FRMD6: variants seen among roughly 807,000 people sequenced by gnomAD.
FRMD6 encodes the protein FERM domain-containing protein 6.
FRMD6 carries 37 observed loss-of-function variants against 73.2 expected under a neutral mutation model. The observed-to-expected ratio is 0.51, with a 90% CI of 0.39 to 0.66. The LOEUF (loss-of-function observed/expected upper bound fraction) is 0.66. Ranked by LOEUF, FRMD6 falls within the 30% of genes least tolerant of loss-of-function variation. The pLI is 0.00. For missense variants in FRMD6, 714 were observed against 780.5 expected (o/e 0.91, Z 1.02); for synonymous variants, 273 against 282.2 (o/e 0.97, Z 0.33).
chr14:51,586,734 C>CTTATTG (rs1555324440), intron 2 of FRMD6, among the ~76,000 whole-genome samples: 4 of 150,590 alleles, frequency 2.7e-5, no homozygotes, highest in East Asian at 2.0e-4. Flanking sequence ...TTTACTTTAT[C>CTTATTG]TTATTATTAT....
intron 1 of FRMD6, among the ~76,000 whole-genome samples, chr14:51,533,222 C>T (rs868526399): frequency 2.6e-5 from 4 of 152,198 alleles, no homozygotes; most frequent in Middle Eastern, 3.4e-3. Context: ...TGCTGGGCTT[C>T]GAGGAGTCTG....
chr14:51,724,408 A>G (rs1375328057), intron 12 of FRMD6, among the ~76,000 whole-genome samples: 1 of 152,198 alleles, frequency 6.6e-6, no homozygotes, highest in Admixed American at 6.5e-5. Flanking sequence ...AGGAAATCGA[A>G]AAGGAACCAT....
chr14:51,462,356 T>TGTAC, the FRMD6 span, among the ~76,000 whole-genome samples: 1 of 152,212 alleles, frequency 6.6e-6, no homozygotes, highest in Admixed American at 6.5e-5. Flanking sequence ...GGAGATGCTG[T>TGTAC]GTACGTGGTA....
chr14:51,401,811 T>C, the FRMD6 span, among the ~76,000 whole-genome samples: 1 of 152,112 alleles, frequency 6.6e-6, no homozygotes, highest in Non-Finnish European at 1.5e-5. Context: ...GAACAGGGGG[T>C]GCCCAAGACA....
chr14:51,499,904 A>G (rs1883506583), intron 1 of FRMD6, among the ~76,000 whole-genome samples: 1 of 152,086 alleles, frequency 6.6e-6, no homozygotes, highest in Non-Finnish European at 1.5e-5. Context: ...AATTGAAAAT[A>G]TTCTCATGAG....
chr14:51,440,777 A>G, the FRMD6 span, among the ~76,000 whole-genome samples: 8 of 152,244 alleles, frequency 5.3e-5, 1 homozygote, highest in South Asian at 2.1e-4. Context: ...ACTGTGCAAA[A>G]TATTGCTTCA....
intron 2 of FRMD6, among the ~76,000 whole-genome samples, chr14:51,600,268 G>T (rs1162413878): frequency 2.0e-5 from 3 of 152,120 alleles, no homozygotes; most frequent in African/African-American, 7.2e-5. Flanking sequence ...GAGCTCAGGA[G>T]CTTAATTTTT....
intron 4 of FRMD6, among the ~76,000 whole-genome samples, chr14:51,701,630 A>C (rs1228349838): frequency 6.7e-6 from 1 of 148,786 alleles, no homozygotes; most frequent in Non-Finnish European, 1.5e-5. Context: ...TGGGAAAAGA[A>C]ACTTATAAGT....
At position 51,633,427 on chromosome 14, in the gene FRMD6, C is replaced by A. The variant is rs186971320; in HGVS notation, c.-146-56264C>A. Among the ~76,000 whole-genome samples the A allele has an allele frequency of 1.6e-3, 242 of 151,066 alleles. 1 individual carries two copies. The highest frequency in any genetic ancestry group is 5.6e-3 in the African/African-American group (232 of 41,226). On this transcript the variant is annotated intron_variant, in intron 2 of 14. Coordinates refer to the FRMD6 transcript ENST00000356218. ...GACCAGCCTGGGCAGCATGGTGAAACCCTGTCTCTACAAAAAATGCAAAAA... is the reference window on the plus strand; with the variant it reads ...GACCAGCCTGGGCAGCATGGTGAAAACCTGTCTCTACAAAAAATGCAAAAA...
At chr14:51,644,298 G>A (rs1011917167) in intron 2 of FRMD6, among the ~76,000 whole-genome samples, 2 of 151,170 alleles carry the variant, frequency 1.3e-5, no homozygotes, top group Non-Finnish European at 2.9e-5. Context: ...CTCAAAAAAT[G>A]TTAATCCTTT....
At chr14:51,656,719 C>T (rs1262418226) in intron 1 of FRMD6, among the ~76,000 whole-genome samples, 1 of 152,150 alleles carries the variant, frequency 6.6e-6, no homozygotes, top group Non-Finnish European at 1.5e-5. Flanking sequence ...GCTAGCATGG[C>T]ATTTTCTTGA....
intron 2 of FRMD6, among the ~76,000 whole-genome samples, chr14:51,585,531 A>C (rs1251291124): frequency 6.6e-6 from 1 of 152,224 alleles, no homozygotes; most frequent in Admixed American, 6.5e-5. Context: ...CCTGAGAGGC[A>C]GCTGAACCTA....
At position 51,664,377 on chromosome 14, in the gene FRMD6, T is replaced by C. The variant is rs554936169; in HGVS notation, c.-147+12381T>C. Among the ~76,000 whole-genome samples the C allele has an allele frequency of 1.3e-3, 196 of 152,376 alleles. 1 individual carries two copies. The highest frequency in any genetic ancestry group is 5.4e-3 in the Admixed American group (82 of 15,306). On this transcript the variant is annotated intron_variant, in intron 1 of 13. Coordinates refer to ENST00000344768, the MANE Select transcript of FRMD6 (RefSeq NM_001267046.2). ...ACCAAGAATTTTCTCTTCTGGGAAC[T>C]ACCTTTGAATTTTGCTAACTGTCTG...
intron 1 of FRMD6, among the ~76,000 whole-genome samples, chr14:51,655,046 T>TAAAAAA (rs111661238): frequency 1.5e-5 from 2 of 131,802 alleles, no homozygotes; most frequent in African/African-American, 2.8e-5. Context: ...TCTTTTAAAG[T>TAAAAAA]AAAAAAAAAA....
chr14:51,543,980 T>G (rs1050451031), intron 1 of FRMD6, among the ~76,000 whole-genome samples: 14 of 152,052 alleles, frequency 9.2e-5, no homozygotes, highest in African/African-American at 3.4e-4. Context: ...CGTAGGTTTC[T>G]TGAACTCTTA....
chr14:51,486,823 C>A (rs983964189), upstream of FRMD6, among the ~76,000 whole-genome samples: 2 of 152,102 alleles, frequency 1.3e-5, no homozygotes, highest in Non-Finnish European at 2.9e-5. Flanking sequence ...TCTGACCTTG[C>A]AGCCCTTAAA....
chr14:51,494,905 T>C (rs1181509757), intron 1 of FRMD6, among the ~76,000 whole-genome samples: 2 of 152,216 alleles, frequency 1.3e-5, no homozygotes, highest in Non-Finnish European at 2.9e-5. Flanking sequence ...ACACTCTTGA[T>C]GTTTTCTCCC....
chr14:51,503,378 C>T (rs1033496303), intron 1 of FRMD6, among the ~76,000 whole-genome samples: 1 of 151,970 alleles, frequency 6.6e-6, no homozygotes, highest in African/African-American at 2.4e-5. Flanking sequence ...TCCTTCAATA[C>T]CTAGTTTATT....
chr14:51,589,884 C>T (rs986890135), intron 2 of FRMD6, among the ~76,000 whole-genome samples: 2 of 152,074 alleles, frequency 1.3e-5, no homozygotes, highest in Non-Finnish European at 2.9e-5. Context: ...GCCTGGCCAA[C>T]ATGGGGAAAC....
Sources: allele counts gnomAD v4.1 joint callset (sites outside exome capture counted in the v4.1 genomes callset), GRCh38; gene constraint gnomAD v4.1.1; transcripts MANE v1.5; gene names NCBI Gene and HGNC (gene_info 2026-07-23, HGNC 2026-07-21).